Variants in ISM1 observed in about 807,000 individuals in gnomAD.
The protein encoded by ISM1 is isthmin-1.
A neutral mutation model predicts 46.3 loss-of-function variants in ISM1; 25 were observed. The ratio of observed to expected loss-of-function variants is 0.54; its 90% CI spans 0.39 to 0.75. The LOEUF (loss-of-function observed/expected upper bound fraction) is 0.75. Among genes scored for constraint, ISM1 ranks in the 30% least tolerant of loss-of-function variants. ISM1 has a pLI of 0.00. For synonymous variants in ISM1, 255 were observed against 256.7 expected, an observed-to-expected ratio of 0.99 and a Z score of 0.06; for missense variants, 536 against 625.4, an observed-to-expected ratio of 0.86 and a Z score of 1.52.
intron 1 of ISM1, among the ~76,000 whole-genome samples, chr20:13,265,131 C>A (rs1463246752): frequency 6.6e-6 from 1 of 152,196 alleles, no homozygotes; most frequent in Admixed American, 6.5e-5. Flanking sequence ...CATTTCAGCT[C>A]TGAAACCCTT....
rs551720372 is a variant in ISM1, at chr20:13,221,420, T to TCCGGC, written c.-347_-343dup. ...GCAGCCCCCTGCCAGCAGGGTGGCC[T>TCCGGC]CCGGCCCGGCCCGGGTCCCGGGCTG... is the stretch of plus-strand genomic sequence containing the variant. On this transcript the variant is annotated 5_prime_UTR_variant, in exon 1 of 6. An upstream open reading frame in the 5' UTR loses its in-frame stop. Transcript: ENST00000262487. Among the ~76,000 whole-genome samples, 26,117 of 144,544 alleles carry TCCGGC rather than the reference T, an allele frequency of 0.18. 2,706 individuals carry two copies. Among genetic ancestry groups the TCCGGC allele is most frequent in the Non-Finnish European group, 0.24 (15,340 of 64,882 alleles). 94.8% of individuals were successfully genotyped at this position (144,544 alleles called of 152,430 possible).
At chr20:13,258,220 C>T (rs191468682) in intron 1 of ISM1, among the ~76,000 whole-genome samples, 5 of 152,236 alleles carry the variant, frequency 3.3e-5, no homozygotes, top group Admixed American at 1.3e-4. Flanking sequence ...TCAACAGGCT[C>T]CCTTGCTGTC....
At chr20:13,314,716 G>T in the ISM1 span, among the ~76,000 whole-genome samples, 1 of 152,062 alleles carries the variant, frequency 6.6e-6, no homozygotes, top group South Asian at 2.1e-4. Flanking sequence ...GAATAGTGAA[G>T]GTAAAACAAA....
At chr20:13,271,197 G>A (rs6041977) in intron 2 of ISM1, among the ~76,000 whole-genome samples, 69,435 of 152,060 alleles carry the variant, frequency 0.46, 17,783 homozygotes, top group African/African-American at 0.71. Flanking sequence ...GTTTCTCTTA[G>A]TGCCCCTCTA....
the ISM1 span, among the ~76,000 whole-genome samples, chr20:13,322,695 G>A: frequency 6.6e-6 from 1 of 152,194 alleles, no homozygotes; most frequent in African/African-American, 2.4e-5. Context: ...ATAAGGAATA[G>A]CTGCAAAGCT....
chr20:13,229,076 TCTTTC>T (rs1331471826), intron 1 of ISM1, among the ~76,000 whole-genome samples: 7 of 152,130 alleles, frequency 4.6e-5, no homozygotes, highest in African/African-American at 1.7e-4. Flanking sequence ...TCTTTCCCTT[TCTTTC>T]CTTTTTCTTC....
At chr20:13,259,253 C>A (rs974237195) in intron 1 of ISM1, among the ~76,000 whole-genome samples, 3 of 151,310 alleles carry the variant, frequency 2.0e-5, no homozygotes, top group Non-Finnish European at 4.4e-5. Flanking sequence ...TGCACTCCAG[C>A]CTGGGCGACA....
At chr20:13,293,314 G>T (rs1003281291) in intron 5 of ISM1, among the ~76,000 whole-genome samples, 1 of 152,080 alleles carries the variant, frequency 6.6e-6, no homozygotes, top group South Asian at 2.1e-4. Flanking sequence ...AAACAAAATG[G>T]AAAGTGACTC....
intron 1 of ISM1, among the ~76,000 whole-genome samples, chr20:13,249,608 C>T (rs2039842345): frequency 6.6e-6 from 1 of 152,172 alleles, no homozygotes; most frequent in Non-Finnish European, 1.5e-5. Flanking sequence ...TTATTTACAC[C>T]ACAGTCATAA....
chr20:13,278,607 C>T (rs1170707287), intron 2 of ISM1, among the ~76,000 whole-genome samples: 1 of 152,174 alleles, frequency 6.6e-6, no homozygotes, highest in African/African-American at 2.4e-5. Context: ...TGACTTTAGG[C>T]AAGTTGTTGA....
At chr20:13,248,815 G>A (rs2039832093) in intron 1 of ISM1, among the ~76,000 whole-genome samples, 1 of 152,204 alleles carries the variant, frequency 6.6e-6, no homozygotes, top group African/African-American at 2.4e-5. Flanking sequence ...GGGGAAGCCA[G>A]TGGAATAAAT....
intron 4 of ISM1, among the ~76,000 whole-genome samples, chr20:13,291,857 T>C (rs2040356120): frequency 6.6e-6 from 1 of 152,222 alleles, no homozygotes; most frequent in Non-Finnish European, 1.5e-5. Context: ...CTCTAAGTAC[T>C]TTCTTTACAC....
At position 13,279,883 on chromosome 20, in the gene ISM1, G is replaced by A. The variant is rs752492722; in HGVS notation, c.628G>A (p.Asp210Asn). Reference protein sequence around the residue: ...APGHRTFETKDQPEYDSTDGE... With the variant: ...APGHRTFETKNQPEYDSTDGE... ...AGGCCACCGGACTTTTGAAACCAAA[G>A]ATCAGCCAGAATATGGTGAGTTTAC... Residue 210 changes from aspartate to asparagine, a missense_variant, in exon 3 of 6, where the codon GAT becomes AAT. By Grantham distance (23) the Asp-to-Asn change is conservative. This residue lies in a region of ISM1 where 367 missense variants were observed against 376.1 expected (regional missense o/e 0.98). Transcript: ENST00000262487. The A allele has an allele frequency of 1.2e-6, 2 of 1,613,934 alleles. No individual in the cohort carries two copies. The highest frequency in any genetic ancestry group is 1.7e-6 in the Non-Finnish European group (2 of 1,179,858).
chr20:13,281,045 T>A (rs1171803182), intron 3 of ISM1, among the ~76,000 whole-genome samples: 2 of 152,244 alleles, frequency 1.3e-5, no homozygotes, highest in African/African-American at 4.8e-5. Context: ...TATTAGACAG[T>A]CATTTCTTCT....
intron 1 of ISM1, among the ~76,000 whole-genome samples, chr20:13,235,927 C>T (rs367607153): frequency 1.3e-5 from 2 of 149,654 alleles, no homozygotes; most frequent in South Asian, 2.1e-4. Context: ...TTGTACTTCC[C>T]TTTTTTCTTT....
intron 3 of ISM1, 60 bp from the exon 4 acceptor site, chr20:13,288,480 T>C (rs1388693139): frequency 6.4e-7 from 1 of 1,554,336 alleles, no homozygotes; most frequent in East Asian, 2.3e-5. Context: ...GGCTGCTTGA[T>C]GGGGAGATTG....
rs115862077 is a variant in ISM1, at chr20:13,280,399, C to A, written c.643+501C>A. On this transcript the variant is annotated intron_variant, in intron 3 of 5. Transcript: ENST00000262487. ...CTCAGGTCTTCAAAGTAACCCCCCC[C>A]CCCCAATACATTTCAAAACTCCAAG... Among the ~76,000 whole-genome samples the A allele has an allele frequency of 1.6e-3, 238 of 147,652 alleles. 1 individual carries two copies. Among genetic ancestry groups the A allele is most frequent in the African/African-American group, 4.4e-3 (180 of 40,680 alleles).
At chr20:13,266,830 C>A (rs925312239) in intron 1 of ISM1, among the ~76,000 whole-genome samples, 1 of 152,162 alleles carries the variant, frequency 6.6e-6, no homozygotes, top group Non-Finnish European at 1.5e-5. Flanking sequence ...TCTTGAAAAT[C>A]TTTACTCTGC....
chr20:13,287,262 C>T (rs568231188), intron 3 of ISM1, among the ~76,000 whole-genome samples: 1 of 152,294 alleles, frequency 6.6e-6, no homozygotes, highest in South Asian at 2.1e-4. Flanking sequence ...AGCAAAGGGA[C>T]ATCTTACATG....
Sources: allele counts gnomAD v4.1 joint callset (sites outside exome capture counted in the v4.1 genomes callset), GRCh38; gene constraint gnomAD v4.1.1; regional missense constraint gnomAD v4.1.1; transcripts MANE v1.5; gene names NCBI Gene and HGNC (gene_info 2026-07-23, HGNC 2026-07-21).